Variants in CRADD observed in about 807,000 individuals in gnomAD.
The protein encoded by CRADD is death domain-containing protein CRADD.
In CRADD, 9 loss-of-function variants were observed where a neutral mutation model predicts 15.5. The ratio of observed to expected loss-of-function variants is 0.58; its 90% CI spans 0.35 to 1.01. CRADD has a LOEUF of 1.01. Ranked by LOEUF, CRADD falls within the 50% of genes least tolerant of loss-of-function variation. The probability of loss-of-function intolerance (pLI) is 0.02; values close to 1 mark genes in which losing one functional copy is unlikely to be tolerated. For missense variants in CRADD, 227 were observed against 250.3 expected, an observed-to-expected ratio of 0.91 and a Z score of 0.63; for synonymous variants, 118 against 107.6, an observed-to-expected ratio of 1.10 and a Z score of -0.60.
chr12:93,712,773 C>T (rs1367210380), intron 2 of CRADD, among the ~76,000 whole-genome samples: 1 of 152,124 alleles, frequency 6.6e-6, no homozygotes, highest in East Asian at 1.9e-4. Flanking sequence ...CTTTATGCTA[C>T]TTGTGGGCAG....
intron 2 of CRADD, among the ~76,000 whole-genome samples, chr12:93,816,973 G>A (rs919101283): frequency 1.3e-5 from 2 of 152,218 alleles, no homozygotes; most frequent in Non-Finnish European, 2.9e-5. Flanking sequence ...TGCCTTTGGA[G>A]AAGTGGTTGC....
intron 2 of CRADD, among the ~76,000 whole-genome samples, chr12:93,855,806 A>C (rs370426481): frequency 6.6e-6 from 1 of 152,182 alleles, no homozygotes; most frequent in African/African-American, 2.4e-5. Context: ...TCTTTTGGCT[A>C]TCAGAGTTTT....
chr12:93,698,376 A>G (rs1955761951), intron 2 of CRADD, among the ~76,000 whole-genome samples: 1 of 152,214 alleles, frequency 6.6e-6, no homozygotes, highest in African/African-American at 2.4e-5. Flanking sequence ...AACAAAGTAT[A>G]TATACTTTTT....
chr12:93,722,208 T>A (rs951057986), intron 2 of CRADD, among the ~76,000 whole-genome samples: 4 of 152,244 alleles, frequency 2.6e-5, no homozygotes, highest in African/African-American at 9.6e-5. Context: ...AAGGCAGATA[T>A]AATTTTTATC....
At chr12:93,816,671 A>C (rs928640855) in intron 2 of CRADD, among the ~76,000 whole-genome samples, 1 of 152,156 alleles carries the variant, frequency 6.6e-6, no homozygotes, top group Non-Finnish European at 1.5e-5. Context: ...AGTGGCTGCC[A>C]TATTGGGTAG....
intron 2 of CRADD, among the ~76,000 whole-genome samples, chr12:93,878,865 A>G (rs1055173058): frequency 2.0e-5 from 3 of 152,174 alleles, no homozygotes; most frequent in Admixed American, 6.5e-5. Context: ...ACCAGGTACT[A>G]TGAGGGCTCA....
chr12:93,749,482 T>A (rs1369484119), intron 2 of CRADD, among the ~76,000 whole-genome samples: 1 of 152,232 alleles, frequency 6.6e-6, no homozygotes, highest in Non-Finnish European at 1.5e-5. Context: ...GCCTCTCTAG[T>A]GGATGTCATG....
intron 2 of CRADD, among the ~76,000 whole-genome samples, chr12:93,771,694 A>G (rs1001272738): frequency 5.3e-5 from 8 of 152,246 alleles, no homozygotes; most frequent in Non-Finnish European, 1.0e-4. Context: ...ACTTAGTAGT[A>G]GGGACAATCA....
At chr12:93,757,554 GTGGCTTCTGGAGAA>G (rs1476262511) in intron 2 of CRADD, among the ~76,000 whole-genome samples, 1 of 152,220 alleles carries the variant, frequency 6.6e-6, no homozygotes, top group African/African-American at 2.4e-5. Context: ...CATCAGACAT[GTGGCTTCTGGAGAA>G]ATGAGGTTTT....
chr12:93,699,532 T>G (rs1458384430), intron 2 of CRADD, among the ~76,000 whole-genome samples: 1 of 152,218 alleles, frequency 6.6e-6, no homozygotes, highest in Non-Finnish European at 1.5e-5. Flanking sequence ...ATGAAGCATT[T>G]GCCTTTTGTT....
chr12:93,811,485 T>G (rs894241568), intron 2 of CRADD, among the ~76,000 whole-genome samples: 2 of 152,226 alleles, frequency 1.3e-5, no homozygotes, highest in African/African-American at 4.8e-5. Context: ...AGTGCTGGTT[T>G]TGCTTGGTGA....
chr12:93,850,793 T>A, downstream of CRADD: 2 of 908,188 alleles, frequency 2.2e-6, no homozygotes, highest in South Asian at 1.0e-4. The surrounding 1 kb of genome is among the most constrained non-coding windows in gnomAD (Gnocchi z 4.0). Context: ...TTCTCATTCC[T>A]GTGTTGCATA....
At chr12:93,746,605 T>C (rs1956755119) in intron 2 of CRADD, among the ~76,000 whole-genome samples, 1 of 152,198 alleles carries the variant, frequency 6.6e-6, no homozygotes, top group African/African-American at 2.4e-5. Context: ...ATTCCAAAAG[T>C]TCCTTTTTAA....
At chr12:93,773,637 C>T (rs1483958632) in intron 2 of CRADD, among the ~76,000 whole-genome samples, 2 of 151,968 alleles carry the variant, frequency 1.3e-5, no homozygotes, top group African/African-American at 2.4e-5. Flanking sequence ...TATCTTTCAT[C>T]TAGTGGCCTT....
chr12:93,709,469 G>A (rs1956021149), intron 2 of CRADD, among the ~76,000 whole-genome samples: 2 of 152,076 alleles, frequency 1.3e-5, no homozygotes, highest in Non-Finnish European at 2.9e-5. Context: ...GTATTCATAT[G>A]TTCTTACCAT....
At position 93,777,943 on chromosome 12, in the gene CRADD, G is replaced by A. The variant is rs889654891; in HGVS notation, c.299-72027G>A. ...TCCGAATCTTCTTAGTTATTTTCAGGTACAAGGTTTTCAGCTTCAGAAAGG... is the reference window on the plus strand; with the variant it reads ...TCCGAATCTTCTTAGTTATTTTCAGATACAAGGTTTTCAGCTTCAGAAAGG... On this transcript the variant is annotated intron_variant, in intron 2 of 2. Transcript: ENST00000332896. Among the ~76,000 whole-genome samples the A allele has an allele frequency of 1.6e-4, 25 of 152,072 alleles. 1 individual carries two copies. Among genetic ancestry groups the A allele is most frequent in the African/African-American group, 5.8e-4 (24 of 41,406 alleles).
At chr12:93,796,387 T>C (rs10859587) in intron 2 of CRADD, among the ~76,000 whole-genome samples, 79,547 of 151,784 alleles carry the variant, frequency 0.52, 21,769 homozygotes, top group East Asian at 0.82. Flanking sequence ...GGTGGATCAC[T>C]TGAGGTCAGG....
intron 2 of CRADD, among the ~76,000 whole-genome samples, chr12:93,818,904 G>C (rs1422996522): frequency 6.6e-6 from 1 of 152,244 alleles, no homozygotes; most frequent in African/African-American, 2.4e-5. Context: ...CTGTCATAGA[G>C]TGCAACCAGG....
At chr12:93,890,738 G>T (rs1351700621) in intron 2 of CRADD, among the ~76,000 whole-genome samples, 4 of 151,162 alleles carry the variant, frequency 2.6e-5, no homozygotes, top group Non-Finnish European at 4.4e-5. Flanking sequence ...TTCTTTTGTT[G>T]TTGTTGCTTG....
Sources: allele counts gnomAD v4.1 joint callset (sites outside exome capture counted in the v4.1 genomes callset), GRCh38; gene constraint gnomAD v4.1.1; non-coding constraint Gnocchi (gnomAD v3.1); transcripts MANE v1.5; gene names NCBI Gene and HGNC (gene_info 2026-07-23, HGNC 2026-07-21).